The following GASK1A variants were observed in gnomAD, a reference collection of about 807,000 sequenced individuals.
GASK1A encodes the protein Golgi-associated kinase 1A.
GASK1A carries 40 observed loss-of-function variants against 41.2 expected under a neutral mutation model. The ratio of observed to expected loss-of-function variants is 0.97; its 90% CI spans 0.75 to 1.27. The LOEUF is 1.27. GASK1A is among the 50% of genes most tolerant of loss of function. The pLI, the probability that GASK1A is intolerant of heterozygous loss-of-function variation, is 0.00. For synonymous variants in GASK1A, 316 were observed against 307.1 expected (o/e 1.03, Z -0.30); for missense variants, 678 against 745.1 (o/e 0.91, Z 1.05).
chr3:43,021,287 C>G (rs1156686949), intron 1 of GASK1A, among the ~76,000 whole-genome samples: 1 of 152,170 alleles, frequency 6.6e-6, no homozygotes, highest in Non-Finnish European at 1.5e-5. Flanking sequence ...CCTCACCTTT[C>G]CACGTGATTT....
Position 43,053,866 on chromosome 3 carries a change from G to T in GASK1A, c.1413+223G>T. On this transcript the variant is annotated intron_variant, in intron 3 of 4. Coordinates refer to ENST00000430121, the MANE Select transcript of GASK1A (RefSeq NM_001129908.3). ...ATGTGCCTGAGGAGGGGTGTGGGGT[G>T]GGGGCTGGAGCCTTGTTTTCACTGT... The T allele has an allele frequency of 4.6e-6, 3 of 650,874 alleles. No homozygotes were observed. In the Middle Eastern group the frequency reaches 7.5e-4, roughly 164 times the overall value. The allele number at this position is 650,874 out of a possible 1,614,324, so 40.3% of individuals were successfully genotyped here.
intron 1 of GASK1A, among the ~76,000 whole-genome samples, chr3:42,990,349 C>CAA (rs74270677): frequency 3.7e-5 from 4 of 108,678 alleles, no homozygotes; most frequent in Admixed American, 2.0e-4. Flanking sequence ...GACCCCGTCT[C>CAA]AAAAAAAAAA....
At chr3:43,017,420 T>C (rs1438968081) in intron 1 of GASK1A, among the ~76,000 whole-genome samples, 14 of 103,470 alleles carry the variant, frequency 1.4e-4, no homozygotes, top group Admixed American at 2.1e-4. Flanking sequence ...TGTGAAGTCA[T>C]AGGAAGGGGC....
At chr3:43,015,193 AG>A (rs1346111467) in intron 1 of GASK1A, among the ~76,000 whole-genome samples, 3 of 147,992 alleles carry the variant, frequency 2.0e-5, no homozygotes, top group Admixed American at 6.7e-5. Context: ...GTGAAATAAC[AG>A]GGAGGGGCAG....
chr3:42,994,679 G>A (rs2089360293), intron 1 of GASK1A, among the ~76,000 whole-genome samples: 1 of 152,138 alleles, frequency 6.6e-6, no homozygotes, highest in Non-Finnish European at 1.5e-5. Flanking sequence ...GACACTGCCA[G>A]GCACTTCTCT....
intron 1 of GASK1A, among the ~76,000 whole-genome samples, chr3:43,030,682 G>A (rs1428637906): frequency 6.6e-6 from 1 of 152,238 alleles, no homozygotes; most frequent in Non-Finnish European, 1.5e-5. Context: ...GGACAAGTCA[G>A]CCTTGCTGAT....
chr3:43,032,325 T>A lies in GASK1A; in HGVS notation c.62T>A (p.Leu21His). 1 of 1,550,288 alleles carries A rather than the reference T, an allele frequency of 6.5e-7. No homozygotes were observed. The highest frequency in any genetic ancestry group is 8.7e-7 in the Non-Finnish European group (1 of 1,145,976). ...AGGCGGCCAGTGATAGCGTTCTGCCTCTTGATGATCCTATCTGCGATGGCT... is the reference window on the plus strand; with the variant it reads ...AGGCGGCCAGTGATAGCGTTCTGCCACTTGATGATCCTATCTGCGATGGCT... ...GKRRPVIAFC[L>H]LMILSAMAVT... Residue 21 changes from leucine to histidine, a missense_variant, in exon 2 of 5, where the codon CTC (leucine) becomes CAC (histidine). By Grantham distance (99) the Leu-to-His change is moderately conservative. Transcript: ENST00000430121.
In GASK1A at chr3:43,038,104, A is replaced by G. The variant is rs544058215; in HGVS notation, c.1290+4551A>G. Among the ~76,000 whole-genome samples the G allele has an allele frequency of 2.6e-5, 4 of 152,356 alleles. No homozygotes were observed. In the South Asian group the frequency reaches 8.3e-4, roughly 32 times the overall value. On this transcript the variant is annotated intron_variant, in intron 2 of 4. Transcript: ENST00000430121. ...GTTAAATGGAGATAAAGTTGAAATC[A>G]TAGAAGATGCAAATGACCTTTCAAA...
At chr3:42,998,601 A>T (rs543656461) in intron 1 of GASK1A, among the ~76,000 whole-genome samples, 2 of 152,282 alleles carry the variant, frequency 1.3e-5, no homozygotes, top group Admixed American at 6.5e-5. Flanking sequence ...AAGAGCTAGG[A>T]CACCCAGGAC....
chr3:43,030,881 G>C (rs1198545393), intron 1 of GASK1A, among the ~76,000 whole-genome samples: 2 of 152,156 alleles, frequency 1.3e-5, no homozygotes, highest in Non-Finnish European at 2.9e-5. Flanking sequence ...ACTGAGGATG[G>C]ACTTCACCTA....
chr3:43,040,712 TTTTTATTTTA>T (rs552280670), intron 2 of GASK1A, among the ~76,000 whole-genome samples: 1 of 151,898 alleles, frequency 6.6e-6, no homozygotes, highest in East Asian at 1.9e-4. Flanking sequence ...AATGGGATCT[TTTTTATTTTA>T]TTTTATTTTA....
At chr3:43,043,746 A>G (rs894256035) in intron 2 of GASK1A, among the ~76,000 whole-genome samples, 5 of 152,246 alleles carry the variant, frequency 3.3e-5, no homozygotes, top group African/African-American at 1.2e-4. Context: ...ATGATTATGT[A>G]ACACTGCCAG....
chr3:42,989,075 G>A (rs1274984716), intron 1 of GASK1A, among the ~76,000 whole-genome samples: 3 of 152,216 alleles, frequency 2.0e-5, no homozygotes, highest in Admixed American at 1.3e-4. Context: ...TAACATTAGC[G>A]GGCCGTAATT....
chr3:43,036,189 T>G lies in GASK1A; in HGVS notation c.1290+2636T>G, dbSNP rs77405091. On this transcript the variant is annotated intron_variant, in intron 2 of 4. Coordinates refer to ENST00000430121, the MANE Select transcript of GASK1A (RefSeq NM_001129908.3). ...CTCTGTAGCCAAAGCATACACAGGT[T>G]GGTTATATGGGCAGACATGACTCGG... 2.8e-3 allele frequency among the ~76,000 whole-genome samples: 425 copies of G among 152,334 alleles called. 5 individuals carry two copies. Among genetic ancestry groups the G allele is most frequent in the African/African-American group, 9.6e-3 (400 of 41,580 alleles).
chr3:43,036,800 C>T (rs968885198), intron 2 of GASK1A, among the ~76,000 whole-genome samples: 5 of 152,134 alleles, frequency 3.3e-5, no homozygotes, highest in South Asian at 2.1e-4. Context: ...CGACTGCAAG[C>T]GATGGTGTCA....
At position 43,032,366 on chromosome 3, in the gene GASK1A, C is replaced by T; in HGVS notation, c.103C>T (p.Pro35Ser). The change falls in exon 2 of 5, where the codon CCA (proline) becomes TCA (serine). Residue 35 changes from proline (P) to serine (S), a missense_variant. Coordinates refer to ENST00000430121, the MANE Select transcript of GASK1A (RefSeq NM_001129908.3). ...TGCGATGGCTGTCACCCGCTTTCCC[C>T]CACAGCGTCCATCCGCCGGCCCAGA... ...LSAMAVTRFPPQRPSAGPDPG... is the reference protein window; with the variant it reads ...LSAMAVTRFPSQRPSAGPDPG... 6.4e-7 allele frequency: 1 copy of T among 1,551,620 alleles called. No individual in the cohort carries two copies. The highest frequency in any genetic ancestry group is 8.7e-7 in the Non-Finnish European group (1 of 1,146,924).
At chr3:43,028,705 C>T (rs780073293) in intron 1 of GASK1A, among the ~76,000 whole-genome samples, 1 of 152,170 alleles carries the variant, frequency 6.6e-6, no homozygotes, top group Non-Finnish European at 1.5e-5. Flanking sequence ...ATTCCAGATG[C>T]AGTCCAGGTT....
intron 1 of GASK1A, among the ~76,000 whole-genome samples, chr3:42,992,229 T>C (rs1196954053): frequency 6.6e-6 from 1 of 152,158 alleles, no homozygotes; most frequent in Non-Finnish European, 1.5e-5. Context: ...ATTGTCGTAA[T>C]ATCTTACTCG....
chr3:43,024,206 A>G (rs899587910), intron 1 of GASK1A, among the ~76,000 whole-genome samples: 12 of 152,134 alleles, frequency 7.9e-5, no homozygotes, highest in African/African-American at 2.7e-4. Flanking sequence ...TTCTGAGTCT[A>G]TATCACCCAT....
Sources: allele counts gnomAD v4.1 joint callset (sites outside exome capture counted in the v4.1 genomes callset), GRCh38; gene constraint gnomAD v4.1.1; transcripts MANE v1.5; gene names NCBI Gene and HGNC (gene_info 2026-07-23, HGNC 2026-07-21).